The following TMEM38A variants were observed in gnomAD, a reference collection of about 807,000 sequenced individuals.
TMEM38A encodes transmembrane protein 38A, also known as trimeric intracellular cation channel type A.
In TMEM38A, 17 loss-of-function variants were observed where a neutral mutation model predicts 28.6. The ratio of observed to expected loss-of-function variants is 0.60; its 90% CI spans 0.41 to 0.89. The LOEUF (loss-of-function observed/expected upper bound fraction) is 0.89. TMEM38A is among the 40% of genes least tolerant of loss of function. The pLI, the probability that TMEM38A is intolerant of heterozygous loss-of-function variation, is 0.00. For synonymous variants in TMEM38A, 169 were observed against 166.1 expected (o/e 1.02, Z -0.14); for missense variants, 328 against 393.1 (o/e 0.83, Z 1.40).
intron 1 of TMEM38A, among the ~76,000 whole-genome samples, chr19:16,674,758 C>T (rs985936193): frequency 2.6e-5 from 4 of 152,006 alleles, no homozygotes; most frequent in Admixed American, 2.6e-4. Context: ...AAGATCGCGC[C>T]ATTGAACTCC....
At chr19:16,680,906 T>C (rs1054184173) in intron 3 of TMEM38A, 14 of 292,494 alleles carry the variant, frequency 4.8e-5, no homozygotes, top group African/African-American at 6.4e-5. Context: ...TTGTGCACTA[T>C]AGGATGTTGA....
intron 1 of TMEM38A, among the ~76,000 whole-genome samples, chr19:16,668,045 C>T (rs568068960): frequency 2.5e-4 from 38 of 151,902 alleles, no homozygotes; most frequent in African/African-American, 9.2e-4. Flanking sequence ...CCTGTCTCTA[C>T]TAAAAATACA....
At chr19:16,677,074 GAAAAA>G (rs398079759) in intron 1 of TMEM38A, among the ~76,000 whole-genome samples, 6 of 109,110 alleles carry the variant, frequency 5.5e-5, no homozygotes, top group Non-Finnish European at 1.0e-4. Flanking sequence ...TTTTTAAAAA[GAAAAA>G]AAAAAAAAAA....
At chr19:16,675,925 A>G (rs2086748932) in intron 1 of TMEM38A, among the ~76,000 whole-genome samples, 2 of 152,076 alleles carry the variant, frequency 1.3e-5, no homozygotes, top group South Asian at 2.1e-4. Flanking sequence ...TGCTATCACA[A>G]GCGGGGAGGG....
At chr19:16,677,164 A>C (rs1262585101) in intron 1 of TMEM38A, among the ~76,000 whole-genome samples, 3 of 152,020 alleles carry the variant, frequency 2.0e-5, no homozygotes, top group Non-Finnish European at 2.9e-5. Flanking sequence ...ATTTTAAAAT[A>C]CTTCTTATCT....
Position 16,661,398 on chromosome 19 carries a change from G to T in TMEM38A, c.124+57G>T. 1 of 1,441,098 alleles carries T rather than the reference G, an allele frequency of 6.9e-7. No homozygotes were observed. Among genetic ancestry groups the T allele is most frequent in the Non-Finnish European group, 9.3e-7 (1 of 1,076,522 alleles). The allele number at this position is 1,441,098 out of a possible 1,614,324, so 89.3% of individuals were successfully genotyped here. On this transcript the variant is annotated intron_variant, in intron 1 of 5. Transcript: ENST00000187762. The surrounding 1 kb of genome is among the most constrained non-coding windows in gnomAD (Gnocchi z 6.5). ...GCAGCGGGTGGCGCGGGCCGGGGCA[G>T]CTCGGGGGTCGCAGAGAGGGGAAGC... is the stretch of plus-strand genomic sequence containing the variant.
intron 1 of TMEM38A, among the ~76,000 whole-genome samples, chr19:16,668,502 C>CAAAA (rs1215843373): frequency 1.4e-5 from 1 of 73,716 alleles, no homozygotes; most frequent in Admixed American, 1.7e-4. Flanking sequence ...GACTCTGTCT[C>CAAAA]AAAAAAAAAA....
chr19:16,670,745 C>A (rs1469433288), intron 1 of TMEM38A, among the ~76,000 whole-genome samples: 2 of 152,050 alleles, frequency 1.3e-5, no homozygotes, highest in African/African-American at 4.8e-5. Context: ...TTGAGACCAG[C>A]CTGGCCAACA....
intron 3 of TMEM38A, 67 bp downstream of exon 3, chr19:16,680,648 G>A (rs2086778337): frequency 4.6e-6 from 7 of 1,536,046 alleles, no homozygotes; most frequent in Non-Finnish European, 5.3e-6. Context: ...GTACTACCAG[G>A]CACCCCAGCT....
At chr19:16,685,157 C>A (rs949506336) in intron 4 of TMEM38A, among the ~76,000 whole-genome samples, 1 of 151,716 alleles carries the variant, frequency 6.6e-6, no homozygotes, top group African/African-American at 2.4e-5. Context: ...GAGGCTGAGG[C>A]GGGTGGATTA....
At position 16,677,080 on chromosome 19, in the gene TMEM38A, A is replaced by G. The variant is rs187433205; in HGVS notation, c.125-2904A>G. 2.3e-3 allele frequency among the ~76,000 whole-genome samples: 352 copies of G among 151,166 alleles called. 2 individuals carry two copies. The highest frequency in any genetic ancestry group is 7.6e-3 in the African/African-American group (314 of 41,178). On this transcript the variant is annotated intron_variant, in intron 1 of 5. Coordinates refer to ENST00000187762, the MANE Select transcript of TMEM38A (RefSeq NM_024074.4). The stretch of plus-strand genomic sequence containing the variant: ...CCAGCCCTTTTTTTAAAAAGAAAAA[A>G]AAAAAAAAAGCCCAGCTATAGGACC...
chr19:16,662,388 G>A (rs995979002), intron 1 of TMEM38A, among the ~76,000 whole-genome samples: 2 of 140,654 alleles, frequency 1.4e-5, no homozygotes, highest in African/African-American at 2.7e-5. Context: ...CTTTCTTGAT[G>A]TCTCTTCTAT....
chr19:16,666,183 G>A (rs1379545592), intron 1 of TMEM38A, among the ~76,000 whole-genome samples: 2 of 151,960 alleles, frequency 1.3e-5, no homozygotes, highest in Non-Finnish European at 2.9e-5. Flanking sequence ...GTTTCACCAC[G>A]TTGGCCAGGA....
rs140311289 is a variant in TMEM38A at position 16,683,441 on chromosome 19, A to G, written c.554+933A>G. On this transcript the variant is annotated intron_variant, in intron 4 of 5. Transcript: ENST00000187762. The stretch of plus-strand genomic sequence containing the variant: ...TATTCTATATTAAAAAAAAAAAGTT[A>G]AATTAGCTAGGCATGGTGGGATGCA... 2.4e-3 allele frequency among the ~76,000 whole-genome samples: 364 copies of G among 152,000 alleles called. 1 individual carries two copies. Among genetic ancestry groups the G allele is most frequent in the Middle Eastern group, 0.014 (4 of 294 alleles).
intron 1 of TMEM38A, among the ~76,000 whole-genome samples, chr19:16,664,060 GC>G (rs1413852796): frequency 6.6e-6 from 1 of 152,158 alleles, no homozygotes; most frequent in East Asian, 1.9e-4. Context: ...TCGGGACTCA[GC>G]CCAGGTCTGC....
At chr19:16,685,011 T>C (rs771951172) in intron 4 of TMEM38A, among the ~76,000 whole-genome samples, 6 of 150,482 alleles carry the variant, frequency 4.0e-5, no homozygotes, top group Non-Finnish European at 7.4e-5. Flanking sequence ...ATCAGACCAC[T>C]GCACTCCAGC....
chr19:16,684,378 G>A lies in TMEM38A; in HGVS notation c.554+1870G>A, dbSNP rs534549220. 4.6e-5 allele frequency among the ~76,000 whole-genome samples: 7 copies of A among 152,012 alleles called. No individual in the cohort carries two copies. The South Asian group carries it at 1.2e-3, about 27-fold the overall frequency. ...GCCTGTAGTCCCAGCTACTCAGGAC[G>A]CTGAGGCAGGAAGATCGCTTGGTCT... is the stretch of plus-strand genomic sequence containing the variant. On this transcript the variant is annotated intron_variant, in intron 4 of 5. Coordinates refer to ENST00000187762, the MANE Select transcript of TMEM38A (RefSeq NM_024074.4).
rs556968173 is a variant in TMEM38A at position 16,666,962 on chromosome 19, A to G, written c.124+5621A>G. Among the ~76,000 whole-genome samples the G allele has an allele frequency of 6.7e-5, 10 of 148,176 alleles. No individual in the cohort carries two copies. The South Asian group carries it at 1.3e-3, about 19-fold the overall frequency. Reference sequence around the variant, plus strand: ...AGCGAAACTCCATCTCAAAAAAAAAAAAAAGAAAAGAAATGCAGAGTTCTG... The same window carrying G: ...AGCGAAACTCCATCTCAAAAAAAAAGAAAAGAAAAGAAATGCAGAGTTCTG... On this transcript the variant is annotated intron_variant, in intron 1 of 5. Transcript: ENST00000187762.
chr19:16,661,570 G>A lies in TMEM38A; in HGVS notation c.124+229G>A, dbSNP rs978531964. Among the ~76,000 whole-genome samples, 5 of 151,992 alleles carry A rather than the reference G, an allele frequency of 3.3e-5. No homozygotes were observed. Among genetic ancestry groups the A allele is most frequent in the Non-Finnish European group, 7.4e-5 (5 of 68,000 alleles). ...TGAAGCTGGGGGAGGGGAAGGAGAG[G>A]CGTGCGCGGGTTTAGAGGAGGGGGA... On this transcript the variant is annotated intron_variant, in intron 1 of 5. Transcript: ENST00000187762. This position sits in a 1 kb window ranked among gnomAD's most constrained non-coding sequence, Gnocchi z 6.5.
Sources: allele counts gnomAD v4.1 joint callset (sites outside exome capture counted in the v4.1 genomes callset), GRCh38; gene constraint gnomAD v4.1.1; non-coding constraint Gnocchi (gnomAD v3.1); transcripts MANE v1.5; gene names NCBI Gene and HGNC (gene_info 2026-07-23, HGNC 2026-07-21).